The following TSGA10 variants were observed in gnomAD, a reference collection of about 807,000 sequenced individuals.
TSGA10 encodes the protein testis-specific gene 10 protein.
Under a neutral mutation model 96.6 loss-of-function variants are expected in TSGA10, and 43 were observed. The ratio of observed to expected loss-of-function variants is 0.44; its 90% CI spans 0.35 to 0.57. TSGA10 has a LOEUF of 0.57. Among genes scored for constraint, TSGA10 ranks in the 20% least tolerant of loss-of-function variants. The probability of loss-of-function intolerance (pLI) is 0.01; values close to 1 mark genes in which losing one functional copy is unlikely to be tolerated. For synonymous variants in TSGA10, 229 were observed against 269.9 expected, an observed-to-expected ratio of 0.85 and a Z score of 1.48; for missense variants, 703 against 834.4, an observed-to-expected ratio of 0.84 and a Z score of 1.94.
At chr2:99,106,479 C>T (rs1193202946) in intron 7 of TSGA10, among the ~76,000 whole-genome samples, 1 of 152,014 alleles carries the variant, frequency 6.6e-6, no homozygotes, top group African/African-American at 2.4e-5. Flanking sequence ...TACAGTGCTC[C>T]CTTATCTTGA....
At chr2:99,105,254 A>G in intron 9 of TSGA10, 105 bp downstream of exon 9, 1 of 968,940 alleles carries the variant, frequency 1.0e-6, no homozygotes, top group South Asian at 1.7e-5. Context: ...TATAAACACT[A>G]TCTTAGAAAA....
At chr2:99,005,678 G>A (rs1317152866) in intron 20 of TSGA10, among the ~76,000 whole-genome samples, 1 of 152,144 alleles carries the variant, frequency 6.6e-6, no homozygotes, top group African/African-American at 2.4e-5. Context: ...CCATGCTCAT[G>A]GGTAGGAAGA....
At chr2:99,130,972 A>G (rs1285760753) in intron 1 of TSGA10, among the ~76,000 whole-genome samples, 1 of 151,988 alleles carries the variant, frequency 6.6e-6, no homozygotes, top group African/African-American at 2.4e-5. Context: ...GTTCTGTTCC[A>G]TTGGTATATA....
Position 99,042,124 on chromosome 2 carries a change from C to T in TSGA10, c.1405-6685G>A, listed in dbSNP as rs184021112. ...GTGGTACTGTCTCGGCTCACTGCAA[C>T]CTCTCTGGTTGAAAATGACATTTTT... is the stretch of plus-strand genomic sequence containing the variant. On this transcript the variant is annotated intron_variant, in intron 16 of 20. Transcript: ENST00000393483. Among the ~76,000 whole-genome samples the T allele has an allele frequency of 4.0e-5, 6 of 150,852 alleles. No individual in the cohort carries two copies. The East Asian group carries it at 1.2e-3, about 30-fold the overall frequency.
intron 20 of TSGA10, among the ~76,000 whole-genome samples, chr2:99,004,420 A>G (rs999337489): frequency 1.3e-5 from 2 of 151,634 alleles, no homozygotes; most frequent in Admixed American, 1.3e-4. Context: ...TCAATAGAAA[A>G]AGAGGGAATC....
intron 1 of TSGA10, among the ~76,000 whole-genome samples, chr2:99,149,499 G>A (rs1299918921): frequency 2.0e-5 from 3 of 147,544 alleles, no homozygotes; most frequent in Non-Finnish European, 3.0e-5. Flanking sequence ...CTGGAGTGCA[G>A]TGGCGCGATC....
chr2:99,140,628 T>G (rs1294823394), intron 1 of TSGA10, among the ~76,000 whole-genome samples: 1 of 152,158 alleles, frequency 6.6e-6, no homozygotes, highest in Admixed American at 6.5e-5. Context: ...TTTACTAAAA[T>G]TATCTGAGAT....
At chr2:99,028,045 G>C (rs189266830) in intron 17 of TSGA10, among the ~76,000 whole-genome samples, 2 of 152,012 alleles carry the variant, frequency 1.3e-5, no homozygotes, top group Admixed American at 1.3e-4. Flanking sequence ...TAGTTACCCC[G>C]ATCCCTTCCC....
chr2:98,998,078 TAATA>T lies in TSGA10; in HGVS notation c.*115_*118del. 1 of 902,644 alleles carries T rather than the reference TAATA, an allele frequency of 1.1e-6. No individual in the cohort carries two copies. Among genetic ancestry groups the T allele is most frequent in the Non-Finnish European group, 1.7e-6 (1 of 581,836 alleles). The allele number at this position is 902,644 out of a possible 1,614,324, so 55.9% of individuals were successfully genotyped here. ...GAACAGAGATTCAGAGACACAAAGTTAATAAATACATTTAACATTGCCAAGCATT... is the reference window on the plus strand; with the variant it reads ...GAACAGAGATTCAGAGACACAAAGTTAATACATTTAACATTGCCAAGCATT... On this transcript the variant is annotated 3_prime_UTR_variant, in exon 21 of 21. Coordinates refer to ENST00000393483, the MANE Select transcript of TSGA10 (RefSeq NM_025244.4).
chr2:99,061,491 CT>C, intron 16 of TSGA10, among the ~76,000 whole-genome samples: 1 of 152,236 alleles, frequency 6.6e-6, no homozygotes, highest in African/African-American at 2.4e-5. Context: ...CAATTAGACT[CT>C]TTTAGTTATT....
chr2:99,040,788 G>A (rs1483035659), intron 16 of TSGA10, among the ~76,000 whole-genome samples: 2 of 150,846 alleles, frequency 1.3e-5, no homozygotes, highest in Non-Finnish European at 3.0e-5. Flanking sequence ...CCTAAAATTC[G>A]TATATGACTA....
At position 99,061,807 on chromosome 2, in the gene TSGA10, T is replaced by C. The variant is rs575091145; in HGVS notation, c.1404+3132A>G. Among the ~76,000 whole-genome samples the C allele has an allele frequency of 7.9e-5, 12 of 152,328 alleles. No individual in the cohort carries two copies. In the East Asian group the frequency reaches 2.1e-3, roughly 27 times the overall value. On this transcript the variant is annotated intron_variant, in intron 16 of 20. Transcript: ENST00000393483. Reference sequence around the variant, plus strand: ...CCTAACCCCCTAGTGTGACTATATTTGGAGATAGGACCTTTAAAGAGGTAA... The same window carrying C: ...CCTAACCCCCTAGTGTGACTATATTCGGAGATAGGACCTTTAAAGAGGTAA...
At chr2:99,075,811 T>C (rs998299402) in intron 12 of TSGA10, among the ~76,000 whole-genome samples, 5 of 152,198 alleles carry the variant, frequency 3.3e-5, no homozygotes, top group African/African-American at 1.2e-4. Context: ...ATATTAGATA[T>C]AGCACAAGAA....
intron 20 of TSGA10, among the ~76,000 whole-genome samples, chr2:99,009,387 C>A (rs764101668): frequency 6.6e-6 from 1 of 151,456 alleles, no homozygotes; most frequent in Non-Finnish European, 1.5e-5. Context: ...CTGGCTAACA[C>A]GGTGAAAACC....
rs147415164 is a variant in TSGA10 at position 99,051,696 on chromosome 2, T to C, written c.1404+13243A>G. 2.4e-3 allele frequency among the ~76,000 whole-genome samples: 357 copies of C among 151,844 alleles called. 1 individual carries two copies. The highest frequency in any genetic ancestry group is 0.014 in the Middle Eastern group (4 of 294). On this transcript the variant is annotated intron_variant, in intron 16 of 20. Coordinates refer to ENST00000393483, the MANE Select transcript of TSGA10 (RefSeq NM_025244.4). ...AATACATATTTTTTTCAAGTGCACATGAAACATTCTCTAGAATAGACACTA... is the reference window on the plus strand; with the variant it reads ...AATACATATTTTTTTCAAGTGCACACGAAACATTCTCTAGAATAGACACTA...
intron 17 of TSGA10, among the ~76,000 whole-genome samples, chr2:99,028,342 T>C (rs1287951782): frequency 6.6e-6 from 1 of 152,184 alleles, no homozygotes; most frequent in African/African-American, 2.4e-5. Flanking sequence ...GATTGACAAA[T>C]AAAAATTATA....
chr2:99,015,810 TTAATGTGC>T (rs1482716021), intron 20 of TSGA10, among the ~76,000 whole-genome samples: 1 of 152,100 alleles, frequency 6.6e-6, no homozygotes, highest in Non-Finnish European at 1.5e-5. Context: ...GGATACAAAA[TTAATGTGC>T]ACAAATCAGT....
intron 1 of TSGA10, among the ~76,000 whole-genome samples, chr2:99,139,406 C>A (rs1276880355): frequency 6.6e-6 from 1 of 152,114 alleles, no homozygotes; most frequent in Non-Finnish European, 1.5e-5. Context: ...ATGTATTCAA[C>A]AAATTATTGA....
chr2:99,080,763 G>A (rs1399561343), intron 11 of TSGA10, among the ~76,000 whole-genome samples: 1 of 152,048 alleles, frequency 6.6e-6, no homozygotes, highest in Admixed American at 6.6e-5. Flanking sequence ...TACCCTGTAA[G>A]ATTAAGTTAG....
Sources: gnomAD v4.1 joint callset for allele counts (sites outside exome capture counted in the v4.1 genomes callset) on GRCh38, gnomAD v4.1.1 for gene constraint, MANE v1.5 for transcripts, NCBI Gene and HGNC (gene_info 2026-07-23, HGNC 2026-07-21) for gene names.